The following NEFH variants were observed in gnomAD, a reference collection of about 807,000 sequenced individuals.
NEFH encodes neurofilament heavy polypeptide.
NEFH carries 58 observed loss-of-function variants against 56.6 expected under a neutral mutation model. The observed-to-expected ratio is 1.03, with a 90% CI of 0.83 to 1.28. NEFH has a LOEUF of 1.28. NEFH is among the 50% of genes most tolerant of loss of function. The probability of loss-of-function intolerance (pLI) is 0.00; values close to 1 mark genes in which losing one functional copy is unlikely to be tolerated. For synonymous variants in NEFH, 542 were observed against 545.8 expected, an observed-to-expected ratio of 0.99 and a Z score of 0.10; for missense variants, 1,221 against 1,307.6, an observed-to-expected ratio of 0.93 and a Z score of 1.02.
In NEFH at chr22:29,488,923, A is replaced by G; in HGVS notation, c.1283A>G (p.Lys428Arg). 1.2e-6 allele frequency: 2 copies of G among 1,614,218 alleles called. No homozygotes were observed. The highest frequency in any genetic ancestry group is 1.7e-6 in the Non-Finnish European group (2 of 1,180,038). Reference protein sequence around the residue: ...IPFSLPEGLPKIPSVSTHIKV... With the variant: ...IPFSLPEGLPRIPSVSTHIKV... ...TTCTCGCTTCCAGAAGGACTCCCCA[A>G]AATTCCCTCTGTGTCCACTCACATA... Residue 428 changes from lysine (K) to arginine (R), a missense_variant, in exon 4 of 4, where the codon AAA becomes AGA. Physicochemically the swap from Lys to Arg is conservative, Grantham distance 26 (BLOSUM62 2). Transcript: ENST00000310624.
At position 29,481,048 on chromosome 22, in the gene NEFH, C is replaced by G; in HGVS notation, c.786C>G (p.Ala262=). The change falls in exon 1 of 4, where the codon GCC becomes GCG. Residue 262 remains alanine, a synonymous_variant. Coordinates refer to ENST00000310624, the MANE Select transcript of NEFH (RefSeq NM_021076.4). ...QAQMQAETRD[A]LKCDVTSALR... is the part of the protein sequence containing the mutation. Reference sequence around the variant, plus strand: ...AGATGCAGGCCGAGACGCGCGACGCCCTGAAGTGCGACGTGACGTCGGCGC... The same window carrying G: ...AGATGCAGGCCGAGACGCGCGACGCGCTGAAGTGCGACGTGACGTCGGCGC... 1 of 1,531,924 alleles carries G rather than the reference C, an allele frequency of 6.5e-7. No homozygotes were observed. The allele number at this position is 1,531,924 out of a possible 1,614,324, so 94.9% of individuals were successfully genotyped here. A position where few individuals can be genotyped will look rare whatever the true frequency, so the allele number is the denominator to read the frequency against.
At chr22:29,487,555 C>T (rs973634244) in intron 3 of NEFH, among the ~76,000 whole-genome samples, 9 of 152,176 alleles carry the variant, frequency 5.9e-5, no homozygotes, top group African/African-American at 2.2e-4. Context: ...TCACCTGAGC[C>T]TGGGAGTTGG....
intron 2 of NEFH, among the ~76,000 whole-genome samples, chr22:29,484,556 C>T (rs961409665): frequency 2.6e-5 from 4 of 152,214 alleles, no homozygotes; most frequent in South Asian, 2.1e-4. Flanking sequence ...ACAGGAGAAT[C>T]GCTTCAACTG....
rs1428222021 is a variant in NEFH, at chr22:29,489,210, G to A, written c.1570G>A (p.Ala524Thr). The change falls in exon 4 of 4, where the codon GCA becomes ACA. Residue 524 changes from alanine to threonine, a missense_variant. Ala to Thr is a moderately conservative substitution (Grantham distance 58). Around this residue, in one of 4 missense-constraint regions of NEFH, gnomAD observed 243 missense variants for 299.1 expected, o/e 0.81. Transcript: ENST00000310624. ...KEAKSPVKEE[A>T]KSPAEAKSPE... The stretch of plus-strand genomic sequence containing the variant: ...AGCCAAGTCACCAGTAAAGGAAGAG[G>A]CAAAGTCACCGGCTGAGGCCAAGTC... 6.2e-7 allele frequency: 1 copy of A among 1,614,170 alleles called. No individual in the cohort carries two copies. The highest frequency in any genetic ancestry group is 8.5e-7 in the Non-Finnish European group (1 of 1,180,030).
At chr22:29,484,034 T>C (rs1428808533) in intron 2 of NEFH, among the ~76,000 whole-genome samples, 1 of 151,754 alleles carries the variant, frequency 6.6e-6, no homozygotes, top group African/African-American at 2.4e-5. Flanking sequence ...ATTTTTAGTA[T>C]TGACAGGGTT....
At chr22:29,484,716 C>G (rs760470586) in intron 2 of NEFH, among the ~76,000 whole-genome samples, 1 of 152,124 alleles carries the variant, frequency 6.6e-6, no homozygotes, top group Non-Finnish European at 1.5e-5. Context: ...ACAGTCCTAG[C>G]TACTCAGAAG....
Position 29,490,447 on chromosome 22 carries a change from C to T in NEFH, c.2807C>T (p.Ala936Val). Residue 936 changes from alanine to valine, a missense_variant, in exon 4 of 4, where the codon GCC (alanine) becomes GTC (valine). Physicochemically the swap from Ala to Val is moderately conservative, Grantham distance 64 (BLOSUM62 0). Around this residue, in one of 4 missense-constraint regions of NEFH, gnomAD observed 301 missense variants for 346.6 expected, o/e 0.87. Coordinates refer to ENST00000310624, the MANE Select transcript of NEFH (RefSeq NM_021076.4). Reference protein sequence around the residue: ...TEVAKKEPDDAKAKEPSKPAE... With the variant: ...TEVAKKEPDDVKAKEPSKPAE... ...GTAGCCAAGAAGGAACCAGATGATG[C>T]CAAGGCCAAGGAACCCAGCAAACCA... The T allele has an allele frequency of 6.2e-7, 1 of 1,601,686 alleles. No individual in the cohort carries two copies.
chr22:29,489,065 G>GAAAGAGGCC lies in NEFH; in HGVS notation c.1433_1441dup (p.Ala478_Glu480dup). The stretch of plus-strand genomic sequence containing the variant: ...CTGAAGAAGTGACTGAAGAAGAGGA[G>GAAAGAGGCC]AAAGAGGCCAAAGAGGAGGAGGGCA... On this transcript the variant is annotated inframe_insertion, in exon 4 of 4. Transcript: ENST00000310624. 1 of 1,613,974 alleles carries GAAAGAGGCC rather than the reference G, an allele frequency of 6.2e-7. No individual in the cohort carries two copies. Among genetic ancestry groups the GAAAGAGGCC allele is most frequent in the Non-Finnish European group, 8.5e-7 (1 of 1,179,898 alleles).
intron 2 of NEFH, 130 bp downstream of exon 2, chr22:29,483,704 T>C (rs1336179230): frequency 1.3e-6 from 1 of 792,062 alleles, no homozygotes; most frequent in Non-Finnish European, 2.1e-6. Context: ...ATACCAGCAC[T>C]TTCCAGCTGT....
In NEFH at chr22:29,480,331, C is replaced by T; in HGVS notation, c.69C>T (p.Ser23=). The change falls in exon 1 of 4, where the codon AGC becomes AGT. Residue 23 remains serine, a synonymous_variant. Transcript: ENST00000310624. ...TCGCGCCGCTGCATGGCGGCGGCAG[C>T]CTCCACTACGCGCTAGCCCGAAAGG... ...APFAPLHGGG[S]LHYALARKGG... The T allele has an allele frequency of 6.6e-7, 1 of 1,510,004 alleles. No individual in the cohort carries two copies. Among genetic ancestry groups the T allele is most frequent in the Non-Finnish European group, 8.8e-7 (1 of 1,139,460 alleles). The allele number at this position is 1,510,004 out of a possible 1,614,324, so 93.5% of individuals were successfully genotyped here. A position where few individuals can be genotyped will look rare whatever the true frequency, so the allele number is the denominator to read the frequency against.
In NEFH at chr22:29,480,967, G is replaced by C. The variant is rs1287924484; in HGVS notation, c.705G>C (p.Gln235His). The change falls in exon 1 of 4, where the codon CAG becomes CAC. Residue 235 changes from glutamine (Q) to histidine (H), a missense_variant. Physicochemically the swap from Gln to His is conservative, Grantham distance 24 (BLOSUM62 0). Around this residue, in one of 4 missense-constraint regions of NEFH, gnomAD observed 640 missense variants for 555.5 expected, o/e 1.15. Coordinates refer to ENST00000310624, the MANE Select transcript of NEFH (RefSeq NM_021076.4). ...EECGYLRRHH[Q>H]EEVGELLGQI... ...GCGGCTACCTGCGGCGCCACCACCA[G>C]GAAGAGGTGGGCGAGCTGCTCGGCC... 2.0e-6 allele frequency: 3 copies of C among 1,531,586 alleles called. No homozygotes were observed. The highest frequency in any genetic ancestry group is 2.6e-6 in the Non-Finnish European group (3 of 1,145,490). The allele number at this position is 1,531,586 out of a possible 1,614,324, so 94.9% of individuals were successfully genotyped here.
intron 1 of NEFH, among the ~76,000 whole-genome samples, chr22:29,482,180 C>T (rs2063015205): frequency 6.6e-6 from 1 of 152,178 alleles, no homozygotes; most frequent in Admixed American, 6.5e-5. Flanking sequence ...TTTTCTGTTC[C>T]TTTTCCACTC....
At chr22:29,484,841 T>G (rs913448546) in intron 2 of NEFH, among the ~76,000 whole-genome samples, 2 of 151,662 alleles carry the variant, frequency 1.3e-5, no homozygotes, top group African/African-American at 4.8e-5. Flanking sequence ...GGTTTTTTTT[T>G]TTTTCTTTTT....
In NEFH at chr22:29,480,696, T is replaced by C. The variant is rs1036006132; in HGVS notation, c.434T>C (p.Leu145Pro). 2.6e-6 allele frequency: 4 copies of C among 1,532,266 alleles called. No homozygotes were observed. The African/African-American group carries it at 5.5e-5, about 21-fold the overall frequency. 94.9% of individuals were successfully genotyped at this position (1,532,266 alleles called of 1,614,324 possible). A position where few individuals can be genotyped will look rare whatever the true frequency, so the allele number is the denominator to read the frequency against. ...GCGGGCCGCTCCGCTATGGGCGAGC[T>C]GTACGAGCGCGAGGTCCGCGAGATG... The part of the protein sequence containing the change: ...QQAGRSAMGE[L>P]YEREVREMRG... The change falls in exon 1 of 4, where the codon CTG (leucine) becomes CCG (proline). Residue 145 changes from leucine (L) to proline (P), a missense_variant. Leu to Pro is a moderately conservative substitution (Grantham distance 98). Around this residue, in one of 4 missense-constraint regions of NEFH, gnomAD observed 640 missense variants for 555.5 expected, o/e 1.15. Coordinates refer to ENST00000310624, the MANE Select transcript of NEFH (RefSeq NM_021076.4).
intron 2 of NEFH, among the ~76,000 whole-genome samples, chr22:29,483,993 G>A (rs2146395009): frequency 6.6e-6 from 1 of 152,048 alleles, no homozygotes; most frequent in South Asian, 2.1e-4. Context: ...GGGACTACAG[G>A]TGCATGCCAC....
At chr22:29,485,327 T>C (rs1036169114) in intron 2 of NEFH, among the ~76,000 whole-genome samples, 3 of 152,200 alleles carry the variant, frequency 2.0e-5, no homozygotes, top group African/African-American at 7.2e-5. Flanking sequence ...AGTCTCAAAC[T>C]CCTGACCTCA....
In NEFH at chr22:29,489,455, G is replaced by A. The variant is rs946801867; in HGVS notation, c.1815G>A (p.Lys605=). The A allele has an allele frequency of 1.4e-5, 22 of 1,586,772 alleles. No homozygotes were observed. The highest frequency in any genetic ancestry group is 1.8e-5 in the Non-Finnish European group (21 of 1,160,172). ...PAEAKSPEKA[K]SPVKEEAKSP... is the part of the protein sequence containing the mutation. ...AGGCCAAGTCTCCAGAGAAGGCCAA[G>A]TCCCCAGTGAAGGAAGAAGCAAAGT... Residue 605 remains lysine, a synonymous_variant, in exon 4 of 4, where the codon AAG becomes AAA. Coordinates refer to ENST00000310624, the MANE Select transcript of NEFH (RefSeq NM_021076.4).
Position 29,480,347 on chromosome 22 carries a change from G to C in NEFH, c.85G>C (p.Ala29Pro), listed in dbSNP as rs752311867. The change falls in exon 1 of 4, where the codon GCC becomes CCC. Residue 29 changes from alanine (A) to proline (P), a missense_variant. By Grantham distance (27) the Ala-to-Pro change is conservative. This residue lies in a region of NEFH where 640 missense variants were observed against 555.5 expected (regional missense o/e 1.15). Coordinates refer to ENST00000310624, the MANE Select transcript of NEFH (RefSeq NM_021076.4). ...HGGGSLHYAL[A>P]RKGGAGGTRS... is the part of the protein sequence containing the mutation. ...CGGCGGCAGCCTCCACTACGCGCTA[G>C]CCCGAAAGGGTGGCGCAGGCGGGAC... The C allele has an allele frequency of 1.3e-6, 2 of 1,532,450 alleles. No homozygotes were observed. Among genetic ancestry groups the C allele is most frequent in the Admixed American group, 4.0e-5 (2 of 50,496 alleles). The allele number at this position is 1,532,450 out of a possible 1,614,324, so 94.9% of individuals were successfully genotyped here. A position where few individuals can be genotyped will look rare whatever the true frequency, so the allele number is the denominator to read the frequency against.
In NEFH at chr22:29,480,274, C is replaced by T. The variant is rs746957137; in HGVS notation, c.12C>T (p.Phe4=). The part of the protein sequence containing the change: MMS[F]GGADALLGAP... Reference sequence around the variant, plus strand: ...CACCTGCTCAGGCCATGATGAGCTTCGGCGGCGCGGACGCGCTGCTGGGCG... The same window carrying T: ...CACCTGCTCAGGCCATGATGAGCTTTGGCGGCGCGGACGCGCTGCTGGGCG... The change falls in exon 1 of 4, where the codon TTC becomes TTT. Residue 4 remains phenylalanine (F), a synonymous_variant. Transcript: ENST00000310624. The T allele has an allele frequency of 2.6e-5, 39 of 1,510,412 alleles. No homozygotes were observed. Among genetic ancestry groups the T allele is most frequent in the African/African-American group, 4.3e-5 (3 of 69,232 alleles). The allele number at this position is 1,510,412 out of a possible 1,614,324, so 93.6% of individuals were successfully genotyped here.
Sources: gnomAD v4.1 joint callset for allele counts (sites outside exome capture counted in the v4.1 genomes callset) on GRCh38, gnomAD v4.1.1 for gene constraint, gnomAD v4.1.1 regional missense constraint, MANE v1.5 for transcripts, NCBI Gene and HGNC (gene_info 2026-07-23, HGNC 2026-07-21) for gene names.